PAPOLA: variants seen among roughly 807,000 people sequenced by gnomAD.
PAPOLA encodes the protein polynucleotide adenylyltransferase alpha.
A neutral mutation model predicts 100.6 loss-of-function variants in PAPOLA; 15 were observed. That is an observed-to-expected ratio of 0.15 (90% confidence interval 0.10 to 0.23). PAPOLA has a LOEUF of 0.23. Among genes scored for constraint, PAPOLA ranks in the 10% least tolerant of loss-of-function variants. The pLI, the probability that PAPOLA is intolerant of heterozygous loss-of-function variation, is 1.00. For synonymous variants in PAPOLA, 293 were observed against 300.0 expected, an observed-to-expected ratio of 0.98 and a Z score of 0.24; for missense variants, 533 against 884.2, an observed-to-expected ratio of 0.60 and a Z score of 5.04.
intron 1 of PAPOLA, among the ~76,000 whole-genome samples, chr14:96,518,273 A>C (rs1343038219): frequency 2.6e-5 from 4 of 152,228 alleles, no homozygotes; most frequent in African/African-American, 7.2e-5. Context: ...GCATTCTTAG[A>C]TCTTTCTTGA....
intron 13 of PAPOLA, chr14:96,542,547 GTTTTTC>G (rs770070233): frequency 1.3e-5 from 7 of 544,892 alleles, no homozygotes; most frequent in Non-Finnish European, 2.2e-5. Flanking sequence ...CTTATAGCTT[GTTTTTC>G]TTAAAATTTT....
At chr14:96,535,388 CATT>C in intron 10 of PAPOLA, 1 of 979,328 alleles carries the variant, frequency 1.0e-6, no homozygotes, top group Non-Finnish European at 1.2e-6. Flanking sequence ...TATATCATTT[CATT>C]ATCTCCTAAC....
intron 10 of PAPOLA, chr14:96,535,554 G>C: frequency 9.9e-7 from 1 of 1,010,618 alleles, no homozygotes; most frequent in Non-Finnish European, 1.2e-6. Context: ...AATTGTATGT[G>C]CATCCCCATT....
chr14:96,561,492 CA>C (rs2140339163), intron 20 of PAPOLA, among the ~76,000 whole-genome samples: 2 of 152,226 alleles, frequency 1.3e-5, no homozygotes, highest in East Asian at 3.9e-4. Flanking sequence ...ATGTAATCTA[CA>C]AAATTATTAA....
intron 1 of PAPOLA, among the ~76,000 whole-genome samples, chr14:96,505,269 T>C (rs1896628768): frequency 6.6e-6 from 1 of 152,142 alleles, no homozygotes; most frequent in Non-Finnish European, 1.5e-5. Flanking sequence ...CACCCCTCCA[T>C]TTCCCCAGTA....
intron 10 of PAPOLA, chr14:96,535,188 T>G: frequency 1.1e-6 from 1 of 909,750 alleles, no homozygotes; most frequent in South Asian, 5.1e-5. Context: ...GAATAAGATT[T>G]CCTAAGTTTA....
At chr14:96,534,987 G>A (rs1398248564) in intron 10 of PAPOLA, 2 of 984,790 alleles carry the variant, frequency 2.0e-6, no homozygotes, top group East Asian at 2.3e-4. Context: ...TAACTTCTAA[G>A]CATTTTCACT....
intron 1 of PAPOLA, among the ~76,000 whole-genome samples, chr14:96,503,939 A>G (rs993546619): frequency 6.6e-6 from 1 of 152,190 alleles, no homozygotes; most frequent in Non-Finnish European, 1.5e-5. Context: ...TAGGTTATTA[A>G]GAAGTCTATC....
chr14:96,510,840 C>T lies in PAPOLA; in HGVS notation c.8+8240C>T, dbSNP rs77074382. Among the ~76,000 whole-genome samples, 49 of 152,210 alleles carry T rather than the reference C, an allele frequency of 3.2e-4. 1 individual carries two copies. Among genetic ancestry groups the T allele is most frequent in the African/African-American group, 9.9e-4 (41 of 41,528 alleles). ...TTTCTTAGCAAATAGATTATTTTGG[C>T]GATAATCTTGCCTGTAAGCTACTAT... On this transcript the variant is annotated intron_variant, in intron 1 of 21. Transcript: ENST00000216277.
intron 3 of PAPOLA, among the ~76,000 whole-genome samples, chr14:96,522,012 C>T (rs746188956): frequency 6.6e-6 from 1 of 150,686 alleles, no homozygotes; most frequent in Non-Finnish European, 1.5e-5. Flanking sequence ...ATGTTGGCCA[C>T]GCTGGTCTTG....
At chr14:96,529,545 A>G (rs914012159) in intron 6 of PAPOLA, among the ~76,000 whole-genome samples, 1 of 151,696 alleles carries the variant, frequency 6.6e-6, no homozygotes, top group Admixed American at 6.6e-5. Flanking sequence ...ACACGTTGAA[A>G]CCCTGTCTGT....
intron 1 of PAPOLA, among the ~76,000 whole-genome samples, chr14:96,507,279 A>ATT (rs1566829466): frequency 3.8e-5 from 4 of 104,698 alleles, no homozygotes; most frequent in Non-Finnish European, 7.8e-5. Context: ...TTTGGAAAAT[A>ATT]GTTTTTTTTT....
intron 1 of PAPOLA, among the ~76,000 whole-genome samples, chr14:96,517,076 C>G: frequency 6.6e-6 from 1 of 151,900 alleles, no homozygotes; most frequent in East Asian, 1.9e-4. Context: ...TCGCACAAAA[C>G]AAAAATAGAA....
At chr14:96,510,997 G>A (rs1440504298) in intron 1 of PAPOLA, among the ~76,000 whole-genome samples, 1 of 152,148 alleles carries the variant, frequency 6.6e-6, no homozygotes, top group African/African-American at 2.4e-5. Context: ...GCACATTAAG[G>A]TTAAGACCTT....
At chr14:96,552,926 C>G (rs1437354211) in intron 17 of PAPOLA, 2 of 265,274 alleles carry the variant, frequency 7.5e-6, no homozygotes, top group East Asian at 1.6e-4. Context: ...GTATGGTGTG[C>G]TGATGAGAAC....
At chr14:96,515,194 T>A (rs1386959858) in intron 1 of PAPOLA, among the ~76,000 whole-genome samples, 1 of 152,202 alleles carries the variant, frequency 6.6e-6, no homozygotes, top group African/African-American at 2.4e-5. Flanking sequence ...CTATGTGAAC[T>A]TTGCCTTGAT....
Position 96,542,840 on chromosome 14 carries a change from A to G in PAPOLA, c.1236A>G (p.Thr412=). The G allele has an allele frequency of 6.2e-7, 1 of 1,612,980 alleles. No individual in the cohort carries two copies. The highest frequency in any genetic ancestry group is 8.5e-7 in the Non-Finnish European group (1 of 1,179,596). The change falls in exon 14 of 22, where the codon ACA becomes ACG. Residue 412 remains threonine, a synonymous_variant. Transcript: ENST00000216277. ...VGSLEKNEFI[T]LAHVNPQSFP... Reference sequence around the variant, plus strand: ...GCTTGGAGAAGAATGAATTTATTACACTGGCTCATGTGAATCCCCAGTCAT... The same window carrying G: ...GCTTGGAGAAGAATGAATTTATTACGCTGGCTCATGTGAATCCCCAGTCAT...
intron 1 of PAPOLA, among the ~76,000 whole-genome samples, chr14:96,514,430 C>T (rs934220243): frequency 6.6e-6 from 1 of 152,152 alleles, no homozygotes; most frequent in Non-Finnish European, 1.5e-5. Flanking sequence ...ATCCGCCCGC[C>T]TTGGCCTCCC....
intron 6 of PAPOLA, among the ~76,000 whole-genome samples, chr14:96,529,732 AC>A (rs1351609774): frequency 2.6e-5 from 4 of 152,196 alleles, no homozygotes; most frequent in South Asian, 2.1e-4. Flanking sequence ...AAACAAAAAA[AC>A]AAACAAACAA....
Sources: gnomAD v4.1 joint callset for allele counts (sites outside exome capture counted in the v4.1 genomes callset) on GRCh38, gnomAD v4.1.1 for gene constraint, MANE v1.5 for transcripts, NCBI Gene and HGNC (gene_info 2026-07-23, HGNC 2026-07-21) for gene names.